Variants in BAZ1A observed in about 807,000 individuals in gnomAD.
BAZ1A encodes the protein bromodomain adjacent to zinc finger domain protein 1A.
A neutral mutation model predicts 185.2 loss-of-function variants in BAZ1A; 50 were observed. The ratio of observed to expected loss-of-function variants is 0.27; its 90% CI spans 0.22 to 0.34. BAZ1A has a LOEUF of 0.34. BAZ1A is among the 10% of genes least tolerant of loss of function. The pLI is 1.00. For missense variants in BAZ1A, 1,356 were observed against 1,839.9 expected, an observed-to-expected ratio of 0.74 and a Z score of 4.81; for synonymous variants, 571 against 615.6, an observed-to-expected ratio of 0.93 and a Z score of 1.07.
At chr14:34,869,298 T>C (rs907781869) in intron 2 of BAZ1A, among the ~76,000 whole-genome samples, 4 of 152,210 alleles carry the variant, frequency 2.6e-5, no homozygotes, top group South Asian at 2.1e-4. Context: ...TCAATAAATA[T>C]TATCAATTCT....
At position 34,753,338 on chromosome 14, in the gene BAZ1A, G is replaced by A. The variant is rs1465078161; in HGVS notation, c.*170C>T. The A allele has an allele frequency of 6.2e-6, 4 of 649,048 alleles. No homozygotes were observed. The highest frequency in any genetic ancestry group is 2.9e-5 in the Admixed American group (1 of 34,152). The allele number at this position is 649,048 out of a possible 1,614,324, so 40.2% of individuals were successfully genotyped here. A position where few individuals can be genotyped will look rare whatever the true frequency, so the allele number is the denominator to read the frequency against. The stretch of plus-strand genomic sequence containing the variant: ...AGATACTGAACAAAACTGTAGCAAA[G>A]GATATCTTTCCTACATTCTCCTGAG... On this transcript the variant is annotated 3_prime_UTR_variant, in exon 27 of 27. Transcript: ENST00000360310.
chr14:34,760,203 AAAC>A (rs1333118150), intron 24 of BAZ1A, among the ~76,000 whole-genome samples: 1 of 152,178 alleles, frequency 6.6e-6, no homozygotes, highest in East Asian at 1.9e-4. Context: ...AAATCAATGA[AAAC>A]AAAAAGTTTT....
In BAZ1A at chr14:34,764,823, G is replaced by A. The variant is rs944021466; in HGVS notation, c.3660C>T (p.Asp1220=). The A allele has an allele frequency of 2.5e-6, 4 of 1,613,678 alleles. No homozygotes were observed. Among genetic ancestry groups the A allele is most frequent in the Admixed American group, 3.3e-5 (2 of 59,972 alleles). ...CTTCATCATCCTCACCTCCCATACT[G>A]TCTTCCACATCTTCATCACTTTCCA... ...PSLESDEDVE[D]SMGGEDDEVD... is the part of the protein sequence containing the mutation. The change falls in exon 23 of 27, where the codon GAC becomes GAT. Residue 1220 remains aspartate (D), a synonymous_variant. Coordinates refer to ENST00000360310, the MANE Select transcript of BAZ1A (RefSeq NM_013448.3).
chr14:34,841,517 G>A (rs1396470620), intron 3 of BAZ1A, among the ~76,000 whole-genome samples: 2 of 152,078 alleles, frequency 1.3e-5, no homozygotes, highest in Non-Finnish European at 2.9e-5. Flanking sequence ...AGCCTCTCAA[G>A]TAGCTGGGAT....
At chr14:34,862,747 A>T (rs1356890120) in intron 2 of BAZ1A, among the ~76,000 whole-genome samples, 3 of 150,360 alleles carry the variant, frequency 2.0e-5, no homozygotes, top group African/African-American at 7.3e-5. Flanking sequence ...TCTCTCCTGT[A>T]TTTTCTTGAA....
chr14:34,758,806 T>C lies in BAZ1A; in HGVS notation c.4284A>G (p.Arg1428=), dbSNP rs768491783. 21 of 1,614,062 alleles carry C rather than the reference T, an allele frequency of 1.3e-5. No individual in the cohort carries two copies. The highest frequency in any genetic ancestry group is 2.7e-5 in the African/African-American group (2 of 74,924). ...PVTLGRRSSG[R]QGGVHELSAF... Reference sequence around the variant, plus strand: ...CAGACAATTCATGAACTCCTCCCTGTCGGCCAGAACTCCTTCGACCCAGTG... The same window carrying C: ...CAGACAATTCATGAACTCCTCCCTGCCGGCCAGAACTCCTTCGACCCAGTG... The change falls in exon 25 of 27, where the codon CGA becomes CGG. Residue 1428 remains arginine, a synonymous_variant. Coordinates refer to ENST00000360310, the MANE Select transcript of BAZ1A (RefSeq NM_013448.3).
intron 3 of BAZ1A, among the ~76,000 whole-genome samples, chr14:34,861,183 T>A (rs960197517): frequency 2.0e-5 from 3 of 152,038 alleles, no homozygotes; most frequent in Non-Finnish European, 2.9e-5. Flanking sequence ...GGGCAGGGCA[T>A]CCAAAAAACA....
chr14:34,779,565 G>T (rs978448260), intron 17 of BAZ1A, among the ~76,000 whole-genome samples: 1 of 151,912 alleles, frequency 6.6e-6, no homozygotes, highest in Non-Finnish European at 1.5e-5. Context: ...CAGAAAAAAA[G>T]ATCCCATGCA....
At chr14:34,871,765 C>G (rs528135925) in intron 2 of BAZ1A, among the ~76,000 whole-genome samples, 6 of 152,120 alleles carry the variant, frequency 3.9e-5, no homozygotes, top group African/African-American at 1.4e-4. Flanking sequence ...TCCAGCTACT[C>G]GGGAGGCTGA....
intron 4 of BAZ1A, chr14:34,816,592 T>G (rs1219840479): frequency 5.8e-6 from 1 of 172,662 alleles, no homozygotes; most frequent in Non-Finnish European, 1.3e-5. Context: ...AGCAGCCTGA[T>G]AGCTTTAAAT....
chr14:34,817,615 C>CA (rs887961025), intron 4 of BAZ1A, among the ~76,000 whole-genome samples: 3 of 151,900 alleles, frequency 2.0e-5, no homozygotes, highest in African/African-American at 4.8e-5. Flanking sequence ...AAAACAACAA[C>CA]AAAAAAACAC....
chr14:34,838,703 T>G (rs1217104119), intron 3 of BAZ1A, among the ~76,000 whole-genome samples: 3 of 152,000 alleles, frequency 2.0e-5, no homozygotes, highest in Non-Finnish European at 4.4e-5. Flanking sequence ...TTTTGTATTT[T>G]TAGTAGAGAC....
intron 3 of BAZ1A, among the ~76,000 whole-genome samples, chr14:34,837,370 T>C (rs939103308): frequency 1.3e-5 from 2 of 151,580 alleles, no homozygotes; most frequent in Non-Finnish European, 2.9e-5. Context: ...GCCTCCTAAG[T>C]AGCTGGGACT....
At position 34,783,273 on chromosome 14, in the gene BAZ1A, A is replaced by T. The variant is rs964281668; in HGVS notation, c.1998-41T>A. The T allele has an allele frequency of 4.2e-6, 5 of 1,199,582 alleles. No homozygotes were observed. In the African/African-American group the frequency reaches 7.7e-5, roughly 18 times the overall value. The allele number at this position is 1,199,582 out of a possible 1,614,324, so 74.3% of individuals were successfully genotyped here. On this transcript the variant is annotated intron_variant, in intron 15 of 26. Coordinates refer to ENST00000360310, the MANE Select transcript of BAZ1A (RefSeq NM_013448.3). ...AAATATGGTAGTCTATCTGATGCAC[A>T]TATACATTTCACTTTTAGCATCTTG...
chr14:34,775,219 A>C (rs545325709), intron 18 of BAZ1A, among the ~76,000 whole-genome samples: 29 of 152,148 alleles, frequency 1.9e-4, no homozygotes, highest in African/African-American at 4.3e-4. Flanking sequence ...ACAAAAAAAA[A>C]CCCCAATAAT....
chr14:34,853,266 T>G (rs1281958789), intron 3 of BAZ1A, among the ~76,000 whole-genome samples: 4 of 152,210 alleles, frequency 2.6e-5, no homozygotes, highest in African/African-American at 9.6e-5. Flanking sequence ...GCAGGCAAGC[T>G]AGGTGGTAAT....
At position 34,874,494 on chromosome 14, in the gene BAZ1A, G is replaced by T; in HGVS notation, c.111C>A (p.Tyr37Ter). The T allele has an allele frequency of 6.2e-7, 1 of 1,612,236 alleles. No individual in the cohort carries two copies. The highest frequency in any genetic ancestry group is 8.5e-7 in the Non-Finnish European group (1 of 1,178,984). Reference sequence around the variant, plus strand: ...CCCGCACACGGCCCGGCTCTTACTCGTAGTGGCGGAAGATCTCGTTGGTGA... The same window carrying T: ...CCCGCACACGGCCCGGCTCTTACTCTTAGTGGCGGAAGATCTCGTTGGTGA... ...CKVTNEIFRH[Y>*]DDFFERTILC... The change falls in exon 2 of 27, where the codon TAC (tyrosine) becomes TAA (stop). Residue 37 changes from tyrosine to a stop codon, truncating the protein, a stop_gained and splice_region_variant. Transcript: ENST00000360310. LOFTEE classifies it high-confidence loss of function. The surrounding 1 kb of genome is among the most constrained non-coding windows in gnomAD (Gnocchi z 4.7).
chr14:34,820,858 G>A (rs2042079028), intron 4 of BAZ1A, among the ~76,000 whole-genome samples: 1 of 152,022 alleles, frequency 6.6e-6, no homozygotes, highest in Non-Finnish European at 1.5e-5. Flanking sequence ...TTTGTCAAAG[G>A]TCAGTTGATT....
At chr14:34,825,531 C>T (rs1408990646) in intron 4 of BAZ1A, among the ~76,000 whole-genome samples, 1 of 146,944 alleles carries the variant, frequency 6.8e-6, no homozygotes, top group Non-Finnish European at 1.5e-5. Context: ...AGCTGAGTAG[C>T]GTGAACTAGG....
Sources: allele counts gnomAD v4.1 joint callset (sites outside exome capture counted in the v4.1 genomes callset), GRCh38; gene constraint gnomAD v4.1.1; non-coding constraint Gnocchi (gnomAD v3.1); transcripts MANE v1.5; gene names NCBI Gene and HGNC (gene_info 2026-07-23, HGNC 2026-07-21).